PCDHA6: variants seen among roughly 807,000 people sequenced by gnomAD.
PCDHA6 encodes protocadherin alpha 6.
PCDHA6 carries 55 observed loss-of-function variants against 60.3 expected under a neutral mutation model. The ratio of observed to expected loss-of-function variants is 0.91; its 90% CI spans 0.73 to 1.14. PCDHA6 has a LOEUF of 1.14. Ranked by LOEUF, PCDHA6 falls within the 50% of genes most tolerant of loss-of-function variation. PCDHA6 has a pLI of 0.00. For synonymous variants in PCDHA6, 652 were observed against 557.9 expected (o/e 1.17, Z -2.38); for missense variants, 1,327 against 1,256.5 (o/e 1.06, Z -0.85).
At chr5:140,983,617 G>C (rs868994554) in intron 3 of PCDHA6, among the ~76,000 whole-genome samples, 1 of 152,228 alleles carries the variant, frequency 6.6e-6, no homozygotes, top group Admixed American at 6.5e-5. Context: ...GAGGCAGAGA[G>C]ATTAAGAAAT....
intron 1 of PCDHA6, among the ~76,000 whole-genome samples, chr5:140,907,645 T>C (rs2073515740): frequency 1.3e-5 from 2 of 152,328 alleles, no homozygotes; most frequent in South Asian, 4.1e-4. Flanking sequence ...TGCTGGCAAA[T>C]TGGGCACTCA....
intron 1 of PCDHA6, among the ~76,000 whole-genome samples, chr5:140,919,522 C>CT (rs1554199133): frequency 6.6e-6 from 1 of 152,000 alleles, no homozygotes; most frequent in African/African-American, 2.4e-5. Context: ...TTTTAATTCT[C>CT]TTTTTTTCCT....
At chr5:140,976,208 A>G (rs2096706017) in intron 1 of PCDHA6, among the ~76,000 whole-genome samples, 1 of 152,202 alleles carries the variant, frequency 6.6e-6, no homozygotes, top group Non-Finnish European at 1.5e-5. Context: ...TCAGAAGTAA[A>G]AAAGAGAAAG....
intron 1 of PCDHA6, chr5:140,842,659 C>T: frequency 6.9e-6 from 11 of 1,595,302 alleles, no homozygotes; most frequent in African/African-American, 1.3e-5. Context: ...TGGAGGTGGC[C>T]GACGTGAACG....
rs782673373 is a variant in PCDHA6 at position 140,858,110 on chromosome 5, G to T, written c.2394+27625G>T. The T allele has an allele frequency of 6.9e-6, 11 of 1,597,760 alleles. No homozygotes were observed. The East Asian group carries it at 2.2e-4, about 32-fold the overall frequency. ...GCGGGCTTCAGTGGGCGTGGCGCCC[G>T]AGGTGGCCCTGGTGGATGTCAACGT... On this transcript the variant is annotated intron_variant, in intron 1 of 3. Coordinates refer to ENST00000529310, the MANE Select transcript of PCDHA6 (RefSeq NM_018909.4).
At chr5:140,935,673 A>T (rs1462991962) in intron 1 of PCDHA6, among the ~76,000 whole-genome samples, 1 of 152,180 alleles carries the variant, frequency 6.6e-6, no homozygotes, top group Non-Finnish European at 1.5e-5. Flanking sequence ...AATTATGTGA[A>T]ATATTTACAT....
At chr5:140,883,626 C>A (rs782798960) in intron 1 of PCDHA6, 2 of 1,613,968 alleles carry the variant, frequency 1.2e-6, no homozygotes, top group Non-Finnish European at 1.7e-6. Flanking sequence ...GACAACGCGC[C>A]GGCGTTCGCG....
At chr5:140,875,978 C>T (rs534648937) in intron 1 of PCDHA6, 2 of 1,613,976 alleles carry the variant, frequency 1.2e-6, no homozygotes, top group East Asian at 4.5e-5. Flanking sequence ...TCTCTTTTGA[C>T]CTATGCGTTA....
intron 1 of PCDHA6, among the ~76,000 whole-genome samples, chr5:140,951,224 A>G (rs539647356): frequency 3.2e-4 from 49 of 151,938 alleles, no homozygotes; most frequent in Non-Finnish European, 6.9e-4. Context: ...TGGATTCTTG[A>G]TGGTCTTTAC....
intron 1 of PCDHA6, among the ~76,000 whole-genome samples, chr5:140,893,236 T>C (rs1554185562): frequency 6.6e-6 from 1 of 152,236 alleles, no homozygotes. Flanking sequence ...TTTGACATAC[T>C]GGTTTCCTTT....
intron 1 of PCDHA6, among the ~76,000 whole-genome samples, chr5:140,888,308 G>A (rs1383199158): frequency 1.3e-5 from 2 of 152,106 alleles, no homozygotes; most frequent in Non-Finnish European, 2.9e-5. Flanking sequence ...AGATAATTTG[G>A]CAATGCCTGG....
chr5:140,862,633 G>C, intron 1 of PCDHA6: 5 of 537,306 alleles, frequency 9.3e-6, no homozygotes, highest in Non-Finnish European at 1.9e-5. Context: ...GGGCTGCCAC[G>C]ACTTCACAGT....
chr5:140,927,980 G>A, intron 1 of PCDHA6: 2 of 1,614,220 alleles, frequency 1.2e-6, no homozygotes, highest in Non-Finnish European at 1.7e-6. Flanking sequence ...GCTCTCTTTA[G>A]TGTAAAGGAT....
intron 1 of PCDHA6, among the ~76,000 whole-genome samples, chr5:140,896,094 AGC>A (rs2065382019): frequency 6.6e-6 from 1 of 152,148 alleles, no homozygotes; most frequent in Non-Finnish European, 1.5e-5. Context: ...TACAGGCGTG[AGC>A]CACTGTGCCT....
intron 1 of PCDHA6, chr5:140,842,164 T>A (rs1246524333): frequency 1.3e-5 from 21 of 1,613,778 alleles, no homozygotes; most frequent in Non-Finnish European, 1.6e-5. Context: ...CATATTCTTT[T>A]AATAGCCTTG....
intron 3 of PCDHA6, among the ~76,000 whole-genome samples, chr5:140,999,427 G>A (rs1405186577): frequency 6.6e-6 from 1 of 152,172 alleles, no homozygotes; most frequent in Non-Finnish European, 1.5e-5. Flanking sequence ...AAGAGGCCAA[G>A]TACCTTGCCT....
At chr5:140,975,940 G>A (rs562983011) in intron 1 of PCDHA6, among the ~76,000 whole-genome samples, 1 of 152,216 alleles carries the variant, frequency 6.6e-6, no homozygotes, top group Admixed American at 6.5e-5. Flanking sequence ...TGAAGCAATA[G>A]GACATATTAG....
intron 1 of PCDHA6, chr5:140,883,172 AT>A: frequency 1.2e-6 from 2 of 1,614,038 alleles, no homozygotes; most frequent in Non-Finnish European, 1.7e-6. Flanking sequence ...CAATGGAGAA[AT>A]TAGGACAAAA....
At chr5:140,897,028 A>G (rs2065844542) in intron 1 of PCDHA6, among the ~76,000 whole-genome samples, 2 of 152,046 alleles carry the variant, frequency 1.3e-5, no homozygotes, top group Admixed American at 6.6e-5. Context: ...AATTATTTAG[A>G]CCATAGTCAC....
Sources: allele counts gnomAD v4.1 joint callset (sites outside exome capture counted in the v4.1 genomes callset), GRCh38; gene constraint gnomAD v4.1.1; transcripts MANE v1.5; gene names NCBI Gene and HGNC (gene_info 2026-07-23, HGNC 2026-07-21).